The following NECTIN1 variants were observed in gnomAD, a reference collection of about 807,000 sequenced individuals.
NECTIN1 encodes the protein nectin cell adhesion molecule 1, also known as nectin-1.
NECTIN1 carries 23 observed loss-of-function variants against 48.0 expected under a neutral mutation model. That is an observed-to-expected ratio of 0.48 (90% confidence interval 0.34 to 0.68). NECTIN1 has a LOEUF of 0.68. Among genes scored for constraint, NECTIN1 ranks in the 30% least tolerant of loss-of-function variants. The pLI is 0.01. For synonymous variants in NECTIN1, 270 were observed against 288.9 expected (o/e 0.93, Z 0.66); for missense variants, 591 against 709.9 (o/e 0.83, Z 1.90).
chr11:119,711,125 C>G (rs1167428311), intron 1 of NECTIN1, among the ~76,000 whole-genome samples: 1 of 151,192 alleles, frequency 6.6e-6, no homozygotes, highest in East Asian at 1.9e-4. Flanking sequence ...CACGGTGGCT[C>G]ATGCCTGTAA....
intron 5 of NECTIN1, 142 bp downstream of exon 5, chr11:119,675,017 C>G (rs1400832419): frequency 9.1e-7 from 1 of 1,100,858 alleles, no homozygotes; most frequent in Non-Finnish European, 1.3e-6. Flanking sequence ...CAAAGCAAAA[C>G]CAATGGCCAG....
chr11:119,655,432 T>G (rs1162915910), intron 5 of NECTIN1, among the ~76,000 whole-genome samples: 1 of 152,020 alleles, frequency 6.6e-6, no homozygotes, highest in Non-Finnish European at 1.5e-5. Context: ...GGTCTGTAGG[T>G]AAGTGGGGTT....
intron 5 of NECTIN1, chr11:119,674,317 A>G: frequency 7.5e-7 from 1 of 1,335,766 alleles, no homozygotes; most frequent in Middle Eastern, 2.9e-4. Context: ...TGAAGTTGTG[A>G]TGGCAGTTTA....
At position 119,662,248 on chromosome 11, in the gene NECTIN1, T is replaced by C; in HGVS notation, c.*2499A>G. The C allele has an allele frequency of 4.1e-6, 4 of 985,594 alleles. 1 individual carries two copies. In the South Asian group the frequency reaches 1.9e-4, roughly 46 times the overall value. 61.1% of individuals were successfully genotyped at this position (985,594 alleles called of 1,614,324 possible). A position where few individuals can be genotyped will look rare whatever the true frequency, so the allele number is the denominator to read the frequency against. On this transcript the variant is annotated 3_prime_UTR_variant, in exon 6 of 6. Coordinates refer to ENST00000264025, the MANE Select transcript of NECTIN1 (RefSeq NM_002855.5). The surrounding 1 kb of genome is among the most constrained non-coding windows in gnomAD (Gnocchi z 5.3). ...AGACCTCCCTTTTGCCAGCTGGCTG[T>C]GTCTGTGGGCCCAGCAGTAGTGCCC...
chr11:119,663,890 T>G lies in NECTIN1; in HGVS notation c.*857A>C. ...ATAGACGGGTGGGCCTTGGGCAGTG[T>G]CTGGATGGGGCAGGGCATGGGACTC... On this transcript the variant is annotated 3_prime_UTR_variant, in exon 6 of 6. Transcript: ENST00000264025. The G allele has an allele frequency of 1.0e-6, 1 of 986,248 alleles. No individual in the cohort carries two copies. The highest frequency in any genetic ancestry group is 1.2e-6 in the Non-Finnish European group (1 of 830,628). 61.1% of individuals were successfully genotyped at this position (986,248 alleles called of 1,614,324 possible).
intron 1 of NECTIN1, among the ~76,000 whole-genome samples, chr11:119,695,644 C>T (rs1193730084): frequency 2.6e-5 from 4 of 152,192 alleles, no homozygotes; most frequent in Admixed American, 2.6e-4. Context: ...ATCAAGACTT[C>T]TTAGGAAGCT....
chr11:119,696,224 G>A (rs1415954795), intron 1 of NECTIN1, among the ~76,000 whole-genome samples: 4 of 152,196 alleles, frequency 2.6e-5, no homozygotes, highest in Admixed American at 6.5e-5. Flanking sequence ...GATTACAGGC[G>A]TGAGCCACTG....
chr11:119,678,423 G>A lies in NECTIN1; in HGVS notation c.422C>T (p.Thr141Met), dbSNP rs757477808. ...GGCCCAGGGCAGCTTACCCATCACC[G>A]TGAGATTGAGCTGGCTTTCTCGATT... is the stretch of plus-strand genomic sequence containing the variant. ...TGNRESQLNLTVMAKPTNWIE... is the reference protein window; with the variant it reads ...TGNRESQLNLMVMAKPTNWIE... The change falls in exon 2 of 6, where the codon ACG becomes ATG. Residue 141 changes from threonine (T) to methionine (M), a missense_variant. Thr to Met is a moderately conservative substitution (Grantham distance 81, BLOSUM62 -1). Transcript: ENST00000264025. The surrounding 1 kb of genome is among the most constrained non-coding windows in gnomAD (Gnocchi z 4.4). 2.5e-5 allele frequency: 41 copies of A among 1,613,950 alleles called. No individual in the cohort carries two copies. In the South Asian group the frequency reaches 3.7e-4, roughly 15 times the overall value.
At chr11:119,686,855 C>T (rs532245862) in intron 1 of NECTIN1, among the ~76,000 whole-genome samples, 4 of 152,302 alleles carry the variant, frequency 2.6e-5, no homozygotes, top group South Asian at 2.1e-4. Context: ...CCTGTCCTAG[C>T]GTTTCTCATA....
intron 1 of NECTIN1, among the ~76,000 whole-genome samples, chr11:119,702,275 C>T (rs1357809006): frequency 3.9e-5 from 6 of 152,246 alleles, no homozygotes; most frequent in Admixed American, 1.3e-4. Flanking sequence ...CCACCTCCCT[C>T]GGCTGCCTGT....
chr11:119,674,377 T>C, intron 5 of NECTIN1: 3 of 1,474,932 alleles, frequency 2.0e-6, no homozygotes, highest in East Asian at 2.3e-5. Context: ...ATGATGATGA[T>C]GGAGGTCAGG....
intron 1 of NECTIN1, among the ~76,000 whole-genome samples, chr11:119,705,800 C>T (rs1865539081): frequency 6.6e-6 from 1 of 152,226 alleles, no homozygotes; most frequent in African/African-American, 2.4e-5. Flanking sequence ...GCGGCCCCTG[C>T]AGAGCTGGGG....
At position 119,662,357 on chromosome 11, in the gene NECTIN1, A is replaced by C; in HGVS notation, c.*2390T>G. The C allele has an allele frequency of 1.0e-6, 1 of 985,774 alleles. No homozygotes were observed. The highest frequency in any genetic ancestry group is 1.2e-6 in the Non-Finnish European group (1 of 829,930). The allele number at this position is 985,774 out of a possible 1,614,324, so 61.1% of individuals were successfully genotyped here. On this transcript the variant is annotated 3_prime_UTR_variant, in exon 6 of 6. Coordinates refer to ENST00000264025, the MANE Select transcript of NECTIN1 (RefSeq NM_002855.5). This position sits in a 1 kb window ranked among gnomAD's most constrained non-coding sequence, Gnocchi z 5.3. Reference sequence around the variant, plus strand: ...CCTGCCTCATGCCCACCCTCAGCCCAGGCTGGCAGCTGCTCGGTGGGTATG... The same window carrying C: ...CCTGCCTCATGCCCACCCTCAGCCCCGGCTGGCAGCTGCTCGGTGGGTATG...
chr11:119,644,103 G>A (rs573047394), intron 5 of NECTIN1, among the ~76,000 whole-genome samples: 69 of 152,328 alleles, frequency 4.5e-4, no homozygotes, highest in African/African-American at 9.4e-4. Flanking sequence ...GGCTCACGCC[G>A]CAAGGATGGC....
At chr11:119,707,307 T>G (rs1245043152) in intron 1 of NECTIN1, among the ~76,000 whole-genome samples, 4 of 152,152 alleles carry the variant, frequency 2.6e-5, no homozygotes, top group Non-Finnish European at 4.4e-5. Flanking sequence ...GCACTGGCTC[T>G]CACTTGCCTT....
chr11:119,658,968 A>G (rs1864618137), downstream of NECTIN1: 1 of 152,132 alleles, frequency 6.6e-6, no homozygotes, highest in African/African-American at 2.4e-5. Flanking sequence ...CTTTTAGAAC[A>G]ACGACTGTAA....
rs771356689 is a variant in NECTIN1, at chr11:119,664,890, C to A, written c.1411G>T (p.Val471Leu). 1 of 1,614,032 alleles carries A rather than the reference C, an allele frequency of 6.2e-7. No homozygotes were observed. The highest frequency in any genetic ancestry group is 1.1e-5 in the South Asian group (1 of 91,074). Residue 471 changes from valine to leucine, a missense_variant, in exon 6 of 6, where the codon GTG becomes TTG. Coordinates refer to ENST00000264025, the MANE Select transcript of NECTIN1 (RefSeq NM_002855.5). ...TCCTGACGGGCCTCGGCCTCATCCACGGTGAAGTAGGGCCGCTTGGCGTCC... is the reference window on the plus strand; with the variant it reads ...TCCTGACGGGCCTCGGCCTCATCCAAGGTGAAGTAGGGCCGCTTGGCGTCC... The part of the protein sequence containing the change: ...DEDAKRPYFT[V>L]DEAEARQDGY...
intron 1 of NECTIN1, among the ~76,000 whole-genome samples, chr11:119,700,188 G>C (rs1865421338): frequency 6.6e-6 from 1 of 152,124 alleles, no homozygotes; most frequent in South Asian, 2.1e-4. Flanking sequence ...GGCAGGGAGG[G>C]GGTGTGGTGT....
chr11:119,659,503 G>C (rs138916929), downstream of NECTIN1, among the ~76,000 whole-genome samples: 652 of 152,330 alleles, frequency 4.3e-3, 4 homozygotes, highest in Non-Finnish European at 6.9e-3. Context: ...TGGAGGGATG[G>C]AGGCAAGGGT....
Sources: gnomAD v4.1 joint callset for allele counts (sites outside exome capture counted in the v4.1 genomes callset) on GRCh38, gnomAD v4.1.1 for gene constraint, Gnocchi (gnomAD v3.1) non-coding constraint, MANE v1.5 for transcripts, NCBI Gene and HGNC (gene_info 2026-07-23, HGNC 2026-07-21) for gene names.